Variants in SETD7 observed in about 807,000 individuals in gnomAD.
SETD7 encodes histone-lysine N-methyltransferase SETD7.
SETD7 carries 16 observed loss-of-function variants against 41.8 expected under a neutral mutation model. The ratio of observed to expected loss-of-function variants is 0.38; its 90% CI spans 0.26 to 0.58. The LOEUF (loss-of-function observed/expected upper bound fraction) is 0.58. Ranked by LOEUF, SETD7 falls within the 20% of genes least tolerant of loss-of-function variation. The pLI is 0.64. For missense variants in SETD7, 346 were observed against 459.7 expected (o/e 0.75, Z 2.26); for synonymous variants, 163 against 169.7 (o/e 0.96, Z 0.31).
At chr4:139,537,463 G>A (rs892047431) in intron 2 of SETD7, among the ~76,000 whole-genome samples, 17 of 141,332 alleles carry the variant, frequency 1.2e-4, no homozygotes, top group Admixed American at 4.5e-4. Context: ...CTCATCATCC[G>A]CGGGGAACCT....
chr4:139,549,790 T>G (rs936104725), intron 1 of SETD7, among the ~76,000 whole-genome samples: 6 of 152,036 alleles, frequency 3.9e-5, no homozygotes, highest in Admixed American at 6.5e-5. Flanking sequence ...AAAAAATTTT[T>G]TTTTGAGACA....
rs1286508062 is a variant in SETD7, at chr4:139,533,301, C to T, written c.236G>A (p.Gly79Glu). ...TACATACGTGCCCTGGAGAACTCCC[C>T]CATCTTCGTAAGTGTAAACTCCCTG... ...QGQGVYTYED[G>E]GVLQGTYVDG... Residue 79 changes from glycine to glutamate, a missense_variant, in exon 3 of 8, where the codon GGG (glycine) becomes GAG (glutamate). Physicochemically the swap from Gly to Glu is moderately conservative, Grantham distance 98. Coordinates refer to ENST00000274031, the MANE Select transcript of SETD7 (RefSeq NM_030648.4). 7 of 1,614,078 alleles carry T rather than the reference C, an allele frequency of 4.3e-6. No individual in the cohort carries two copies. The Admixed American group carries it at 1.0e-4, about 23-fold the overall frequency.
At position 139,543,724 on chromosome 4, in the gene SETD7, G is replaced by A. The variant is rs145682639; in HGVS notation, c.170+3196C>T. 3.0e-4 allele frequency among the ~76,000 whole-genome samples: 45 copies of A among 151,560 alleles called. No homozygotes were observed. In the East Asian group the frequency reaches 7.1e-3, roughly 24 times the overall value. ...TCCCAGCACTTTGGAAGGCCAAGGCGGGCGGATCACGAGGTCAGGAGATCA... is the reference window on the plus strand; with the variant it reads ...TCCCAGCACTTTGGAAGGCCAAGGCAGGCGGATCACGAGGTCAGGAGATCA... On this transcript the variant is annotated intron_variant, in intron 2 of 7. Transcript: ENST00000274031.
chr4:139,517,914 GT>G lies in SETD7; in HGVS notation c.890del (p.His297ProfsTer26). On this transcript the variant is annotated frameshift_variant, in exon 7 of 8. Coordinates refer to ENST00000274031, the MANE Select transcript of SETD7 (RefSeq NM_030648.4). LOFTEE classifies it high-confidence loss of function. ...CGTAGATGCAGTTTGGAGTGAAGGA[GT>G]GATTTGCCTTGTGTCCCAAGGAGGC... The part of the protein sequence containing the change: ...YCASLGHKAN[H>X]SFTPNCIYDM... 6.2e-7 allele frequency: 1 copy of G among 1,613,842 alleles called. No individual in the cohort carries two copies. Among genetic ancestry groups the G allele is most frequent in the Non-Finnish European group, 8.5e-7 (1 of 1,179,806 alleles).
chr4:139,531,662 C>T (rs1727485310), intron 3 of SETD7, among the ~76,000 whole-genome samples: 1 of 152,202 alleles, frequency 6.6e-6, no homozygotes, highest in African/African-American at 2.4e-5. Flanking sequence ...TTCTTATGCC[C>T]TATTCCTAGA....
intron 3 of SETD7, 109 bp from the exon 4 acceptor site, chr4:139,529,329 G>T: frequency 1.3e-6 from 1 of 797,398 alleles, no homozygotes; most frequent in Non-Finnish European, 1.9e-6. Context: ...CACCAGTAGG[G>T]ATAATAACAG....
intron 3 of SETD7, 54 bp from the exon 4 acceptor site, chr4:139,529,274 T>C (rs1174858603): frequency 1.4e-6 from 2 of 1,453,774 alleles, no homozygotes; most frequent in Non-Finnish European, 1.9e-6. Flanking sequence ...GTCTAGGACA[T>C]GAGTCCCAAG....
rs1373723164 is a variant in SETD7 at position 139,507,313 on chromosome 4, A to G, written c.*4350T>C. 6.6e-6 allele frequency: 1 copy of G among 152,582 alleles called. No homozygotes were observed. Among genetic ancestry groups the G allele is most frequent in the African/African-American group, 2.4e-5 (1 of 41,466 alleles). The allele number at this position is 152,582 out of a possible 1,614,324, so 9.5% of individuals were successfully genotyped here. On this transcript the variant is annotated 3_prime_UTR_variant, in exon 8 of 8. Coordinates refer to ENST00000274031, the MANE Select transcript of SETD7 (RefSeq NM_030648.4). ...ATCACTAAAAGGTGAACACACCTCC[A>G]TTAGCACCTAACTTCCACCAGGAAG...
intron 4 of SETD7, among the ~76,000 whole-genome samples, chr4:139,526,308 C>T (rs945625380): frequency 2.6e-5 from 4 of 151,314 alleles, no homozygotes; most frequent in Admixed American, 2.0e-4. Context: ...GGGTCTCACT[C>T]CTGTCGCCCA....
Position 139,523,451 on chromosome 4 carries a change from A to G in SETD7, c.563-16T>C. The G allele has an allele frequency of 6.4e-7, 1 of 1,572,204 alleles. No homozygotes were observed. The highest frequency in any genetic ancestry group is 8.8e-7 in the Non-Finnish European group (1 of 1,142,062). ...TACACTGAATCTGAAAAGCAAACAA[A>G]AATACCAGTATAGGTGCAGAGTTAG... On this transcript the variant is annotated splice_polypyrimidine_tract_variant and intron_variant, in intron 4 of 7. Transcript: ENST00000274031.
intron 2 of SETD7, among the ~76,000 whole-genome samples, chr4:139,543,485 A>G (rs1209039406): frequency 1.3e-5 from 2 of 152,212 alleles, no homozygotes; most frequent in African/African-American, 4.8e-5. Flanking sequence ...TCCTGTCACC[A>G]CACTGTTCCA....
At chr4:139,540,583 C>T (rs1019055152) in intron 2 of SETD7, among the ~76,000 whole-genome samples, 7 of 152,278 alleles carry the variant, frequency 4.6e-5, no homozygotes, top group East Asian at 1.9e-4. Flanking sequence ...TTAGTTTCTT[C>T]GTATGTCAAA....
chr4:139,501,279 G>A (rs1351366096), downstream of SETD7, among the ~76,000 whole-genome samples: 2 of 152,156 alleles, frequency 1.3e-5, no homozygotes, highest in Admixed American at 6.5e-5. Context: ...AGAAATTCGT[G>A]CTGAACTTGG....
At chr4:139,520,708 A>T (rs1464555300) in intron 5 of SETD7, among the ~76,000 whole-genome samples, 1 of 152,216 alleles carries the variant, frequency 6.6e-6, no homozygotes, top group African/African-American at 2.4e-5. Context: ...TTAGTTGATG[A>T]CAATTTTCAC....
chr4:139,502,721 A>G (rs1324244856), downstream of SETD7, among the ~76,000 whole-genome samples: 1 of 152,186 alleles, frequency 6.6e-6, no homozygotes, highest in Non-Finnish European at 1.5e-5. Flanking sequence ...GAGAGGCAGG[A>G]AAAGAGAAGC....
chr4:139,496,936 A>C (rs1726467737), intron 7 of SETD7, among the ~76,000 whole-genome samples: 1 of 152,172 alleles, frequency 6.6e-6, no homozygotes, highest in South Asian at 2.1e-4. Flanking sequence ...TGATAAAGAA[A>C]TTTCAGAGGC....
chr4:139,522,338 A>G (rs537722444), intron 5 of SETD7, among the ~76,000 whole-genome samples: 4 of 152,340 alleles, frequency 2.6e-5, no homozygotes, highest in Non-Finnish European at 4.4e-5. Flanking sequence ...ATCTGTTGCT[A>G]AGGAATAAGA....
intron 7 of SETD7, among the ~76,000 whole-genome samples, chr4:139,514,622 CCTCA>C (rs1418538342): frequency 1.3e-5 from 2 of 152,196 alleles, no homozygotes; most frequent in Non-Finnish European, 2.9e-5. Context: ...ATAGCAGTGG[CCTCA>C]CTGAGTTACT....
chr4:139,540,660 G>A (rs72726577), intron 2 of SETD7, among the ~76,000 whole-genome samples: 21,716 of 152,212 alleles, frequency 0.14, 1,676 homozygotes, highest in Middle Eastern at 0.2. Context: ...AGAAATGGTA[G>A]TTATTCAATG....
Sources: gnomAD v4.1 joint callset for allele counts (sites outside exome capture counted in the v4.1 genomes callset) on GRCh38, gnomAD v4.1.1 for gene constraint, MANE v1.5 for transcripts, NCBI Gene and HGNC (gene_info 2026-07-23, HGNC 2026-07-21) for gene names.